The following SLC25A25 variants were observed in gnomAD, a reference collection of about 807,000 sequenced individuals.
SLC25A25 encodes the protein mitochondrial adenyl nucleotide antiporter SLC25A25.
In SLC25A25, 32 loss-of-function variants were observed where a neutral mutation model predicts 57.7. The ratio of observed to expected loss-of-function variants is 0.55; its 90% CI spans 0.42 to 0.74. SLC25A25 has a LOEUF of 0.74. Ranked by LOEUF, SLC25A25 falls within the 30% of genes least tolerant of loss-of-function variation. The probability of loss-of-function intolerance (pLI) is 0.00; values close to 1 mark genes in which losing one functional copy is unlikely to be tolerated. For missense variants in SLC25A25, 556 were observed against 701.3 expected (o/e 0.79, Z 2.34); for synonymous variants, 306 against 291.2 (o/e 1.05, Z -0.52).
chr9:128,087,139 C>T (rs533284493), intron 1 of SLC25A25, among the ~76,000 whole-genome samples: 7 of 148,464 alleles, frequency 4.7e-5, no homozygotes, highest in Admixed American at 3.4e-4. Flanking sequence ...TGCTTGAACC[C>T]GGAAGGCAGA....
chr9:128,071,907 T>C (rs971020348), intron 1 of SLC25A25, among the ~76,000 whole-genome samples: 9 of 151,852 alleles, frequency 5.9e-5, no homozygotes, highest in Non-Finnish European at 1.2e-4. Context: ...GACAAGGGAT[T>C]TCACCATGTT....
In SLC25A25 at chr9:128,077,516, T is replaced by TAA. The variant is rs567869070; in HGVS notation, c.261+8948_261+8949dup. 2.3e-4 allele frequency among the ~76,000 whole-genome samples: 23 copies of TAA among 100,332 alleles called. 5 individuals are homozygous for TAA. Among genetic ancestry groups the TAA allele is most frequent in the Admixed American group, 1.0e-3 (10 of 9,744 alleles). The allele number at this position is 100,332 out of a possible 152,430, so 65.8% of individuals were successfully genotyped here. On this transcript the variant is annotated intron_variant, in intron 1 of 10. Coordinates refer to ENST00000373069, the MANE Select transcript of SLC25A25 (RefSeq NM_001330988.2). ...TGGGCGACAGAGCAAGACTCCGTCT[T>TAA]AAAAAAAAAAAAAGCCAGTCGCAAA...
At chr9:128,086,154 G>A (rs1016348367) in intron 1 of SLC25A25, among the ~76,000 whole-genome samples, 1 of 132,960 alleles carries the variant, frequency 7.5e-6, no homozygotes, top group Non-Finnish European at 1.6e-5. Flanking sequence ...GTCAAGTTGG[G>A]TGTTTGTTTT....
chr9:128,104,890 T>C (rs1451514648), intron 6 of SLC25A25, among the ~76,000 whole-genome samples: 1 of 150,310 alleles, frequency 6.7e-6, no homozygotes, highest in East Asian at 1.9e-4. Flanking sequence ...ACAGTCTCGC[T>C]CTGTCACCCA....
intron 1 of SLC25A25, among the ~76,000 whole-genome samples, chr9:128,094,017 G>A (rs1414251294): frequency 1.3e-5 from 2 of 152,134 alleles, no homozygotes; most frequent in Admixed American, 6.5e-5. Flanking sequence ...GCGTGGTGGT[G>A]CGTGCCTGTA....
At chr9:128,098,434 T>G (rs774366039) in intron 1 of SLC25A25, 6 of 1,404,740 alleles carry the variant, frequency 4.3e-6, no homozygotes, top group Non-Finnish European at 5.6e-6. Context: ...TTCAATTAAG[T>G]AAAAGGGCAG....
intron 1 of SLC25A25, among the ~76,000 whole-genome samples, chr9:128,076,704 G>A (rs1348555202): frequency 2.0e-5 from 3 of 151,890 alleles, no homozygotes; most frequent in Admixed American, 6.6e-5. Context: ...TCCTGACCTC[G>A]TGATCCACCC....
chr9:128,078,025 C>CA (rs879465169), intron 1 of SLC25A25, among the ~76,000 whole-genome samples: 1,551 of 123,156 alleles, frequency 0.013, 19 homozygotes, highest in African/African-American at 0.039. Flanking sequence ...GACTCTGTCT[C>CA]AAAAAAAAAA....
rs1834147394 is a variant in SLC25A25 at position 128,108,627 on chromosome 9, G to A, written c.*1183G>A. The A allele has an allele frequency of 6.2e-6, 1 of 161,734 alleles. No homozygotes were observed. Among genetic ancestry groups the A allele is most frequent in the African/African-American group, 2.4e-5 (1 of 41,894 alleles). 10.0% of individuals were successfully genotyped at this position (161,734 alleles called of 1,614,324 possible). Reference sequence around the variant, plus strand: ...TTTATTCATATTTATGTTCATGGTTGATTGTACCTTCCCAAGCCCGCCCAG... The same window carrying A: ...TTTATTCATATTTATGTTCATGGTTAATTGTACCTTCCCAAGCCCGCCCAG... On this transcript the variant is annotated 3_prime_UTR_variant, in exon 11 of 11. Coordinates refer to ENST00000373069, the MANE Select transcript of SLC25A25 (RefSeq NM_001330988.2).
rs567869070 is a variant in SLC25A25, at chr9:128,077,516, T to TAAA, written c.261+8947_261+8949dup. Reference sequence around the variant, plus strand: ...TGGGCGACAGAGCAAGACTCCGTCTTAAAAAAAAAAAAAGCCAGTCGCAAA... The same window carrying TAAA: ...TGGGCGACAGAGCAAGACTCCGTCTTAAAAAAAAAAAAAAAAGCCAGTCGCAAA... On this transcript the variant is annotated intron_variant, in intron 1 of 10. Transcript: ENST00000373069. 1.9e-4 allele frequency among the ~76,000 whole-genome samples: 19 copies of TAAA among 100,336 alleles called. 1 individual carries two copies. Among genetic ancestry groups the TAAA allele is most frequent in the East Asian group, 1.5e-3 (6 of 3,936 alleles). 65.8% of individuals were successfully genotyped at this position (100,336 alleles called of 152,430 possible).
At position 128,068,263 on chromosome 9, in the gene SLC25A25, A is replaced by ACCGCCGGC. The variant is rs942668442; in HGVS notation, c.-50_-43dup. The ACCGCCGGC allele has an allele frequency of 9.3e-6, 10 of 1,079,364 alleles. No individual in the cohort carries two copies. The African/African-American group carries it at 1.5e-4, about 16-fold the overall frequency. The allele number at this position is 1,079,364 out of a possible 1,614,324, so 66.9% of individuals were successfully genotyped here. A position where few individuals can be genotyped will look rare whatever the true frequency, so the allele number is the denominator to read the frequency against. The stretch of plus-strand genomic sequence containing the variant: ...CGCCTGGCTTGCCTCCCGCGCGGTC[A>ACCGCCGGC]CCGCCGGCCCGCCGCCCCCGCTCCC... On this transcript the variant is annotated 5_prime_UTR_variant, in exon 1 of 11. Coordinates refer to ENST00000373069, the MANE Select transcript of SLC25A25 (RefSeq NM_001330988.2).
At chr9:128,069,498 G>A (rs960345202) in intron 1 of SLC25A25, among the ~76,000 whole-genome samples, 1 of 152,228 alleles carries the variant, frequency 6.6e-6, no homozygotes, top group East Asian at 1.9e-4. Flanking sequence ...TTTCACTGCT[G>A]AGTTAGTTTG....
At chr9:128,086,492 C>T (rs1046251646) in intron 1 of SLC25A25, among the ~76,000 whole-genome samples, 1 of 152,096 alleles carries the variant, frequency 6.6e-6, no homozygotes, top group African/African-American at 2.4e-5. Context: ...TGCCACCACA[C>T]CCGGCTAATT....
At chr9:128,090,701 C>T (rs1348126772) in intron 1 of SLC25A25, among the ~76,000 whole-genome samples, 2 of 152,008 alleles carry the variant, frequency 1.3e-5, no homozygotes, top group African/African-American at 4.8e-5. Flanking sequence ...ATCCCAGGTA[C>T]TTGGGAGGCT....
intron 1 of SLC25A25, among the ~76,000 whole-genome samples, chr9:128,097,976 G>T (rs1283200517): frequency 6.6e-6 from 1 of 152,208 alleles, no homozygotes; most frequent in Non-Finnish European, 1.5e-5. Flanking sequence ...CCCATAGGGG[G>T]GTCCACTTTC....
chr9:128,107,246 C>T lies in SLC25A25; in HGVS notation c.1364-14C>T. 1 of 1,609,120 alleles carries T rather than the reference C, an allele frequency of 6.2e-7. No individual in the cohort carries two copies. Among genetic ancestry groups the T allele is most frequent in the Non-Finnish European group, 8.5e-7 (1 of 1,176,726 alleles). On this transcript the variant is annotated splice_polypyrimidine_tract_variant and intron_variant, in intron 10 of 10. Coordinates refer to ENST00000373069, the MANE Select transcript of SLC25A25 (RefSeq NM_001330988.2). ...GCGGACAGAAGCATCTGACTGGTGG[C>T]CTCCATCCTGCAGCCTCTATTGAGG...
In SLC25A25 at chr9:128,107,550, A is replaced by C; in HGVS notation, c.*106A>C. The C allele has an allele frequency of 5.1e-6, 7 of 1,367,866 alleles. 1 individual carries two copies. In the South Asian group the frequency reaches 1.0e-4, roughly 20 times the overall value. The allele number at this position is 1,367,866 out of a possible 1,614,324, so 84.7% of individuals were successfully genotyped here. ...TGCCAACACTAAGCTGTCTCGAGCC[A>C]AGCTGTGAAAACCCTAGACGCACCC... On this transcript the variant is annotated 3_prime_UTR_variant, in exon 11 of 11. Transcript: ENST00000373069.
At chr9:128,097,154 A>G (rs1833584100) in intron 1 of SLC25A25, among the ~76,000 whole-genome samples, 1 of 152,206 alleles carries the variant, frequency 6.6e-6, no homozygotes, top group Non-Finnish European at 1.5e-5. Context: ...GTGGGAAGAT[A>G]TAGTCTATAT....
At chr9:128,088,199 C>T (rs1276196100) in intron 1 of SLC25A25, among the ~76,000 whole-genome samples, 2 of 152,166 alleles carry the variant, frequency 1.3e-5, no homozygotes, top group African/African-American at 4.8e-5. Context: ...CAGCATTTAG[C>T]CTAGGGCTGG....
Sources: gnomAD v4.1 joint callset for allele counts (sites outside exome capture counted in the v4.1 genomes callset) on GRCh38, gnomAD v4.1.1 for gene constraint, MANE v1.5 for transcripts, NCBI Gene and HGNC (gene_info 2026-07-23, HGNC 2026-07-21) for gene names.